The following WASHC3 variants were observed in gnomAD, a reference collection of about 807,000 sequenced individuals.
WASHC3 encodes the protein WASH complex subunit 3.
Under a neutral mutation model 26.1 loss-of-function variants are expected in WASHC3, and 24 were observed. The observed-to-expected ratio is 0.92, with a 90% CI of 0.66 to 1.29. The LOEUF is 1.29. WASHC3 is among the 50% of genes most tolerant of loss of function. WASHC3 has a pLI of 0.00. For synonymous variants in WASHC3, 77 were observed against 75.7 expected, an observed-to-expected ratio of 1.02 and a Z score of -0.09; for missense variants, 214 against 229.6, an observed-to-expected ratio of 0.93 and a Z score of 0.44.
chr12:102,042,088 T>C (rs1349424473), intron 4 of WASHC3, among the ~76,000 whole-genome samples: 2 of 152,140 alleles, frequency 1.3e-5, no homozygotes, highest in Non-Finnish European at 2.9e-5. Context: ...ATATGACAGC[T>C]CTATCTACCA....
chr12:102,026,893 G>A (rs886197312), intron 5 of WASHC3, among the ~76,000 whole-genome samples: 5 of 152,096 alleles, frequency 3.3e-5, no homozygotes, highest in African/African-American at 1.2e-4. Flanking sequence ...AGGAGGCAGG[G>A]TCATGGCATG....
intron 2 of WASHC3, among the ~76,000 whole-genome samples, chr12:102,060,335 C>G (rs1878752666): frequency 6.6e-6 from 1 of 152,148 alleles, no homozygotes; most frequent in Non-Finnish European, 1.5e-5. Flanking sequence ...AAACAAAACA[C>G]TGAGTTTCTC....
rs575340368 is a variant in WASHC3, at chr12:102,051,785, T to C, written c.151-5666A>G. ...AAACTTCTCTACATCTTAGTTTCTG[T>C]ATCTGTATGAGTGGGATAACTAAAC... On this transcript the variant is annotated intron_variant, in intron 2 of 6. Coordinates refer to ENST00000240079, the MANE Select transcript of WASHC3 (RefSeq NM_016053.4). Among the ~76,000 whole-genome samples the C allele has an allele frequency of 2.0e-5, 3 of 152,352 alleles. No homozygotes were observed. The East Asian group carries it at 5.8e-4, about 29-fold the overall frequency.
intron 6 of WASHC3, 156 bp downstream of exon 6, chr12:102,025,818 G>A (rs982773141): frequency 1.7e-6 from 1 of 575,060 alleles, no homozygotes; most frequent in African/African-American, 1.9e-5. Context: ...ATATTTTTCT[G>A]TTTGGTAACA....
intron 2 of WASHC3, among the ~76,000 whole-genome samples, chr12:102,056,955 CACT>C (rs556030529): frequency 8.5e-5 from 13 of 152,142 alleles, no homozygotes; most frequent in African/African-American, 3.1e-4. Flanking sequence ...CAGACAAATC[CACT>C]ACAAGAAAAG....
intron 6 of WASHC3, among the ~76,000 whole-genome samples, chr12:102,022,725 A>G (rs1184994985): frequency 1.3e-5 from 2 of 152,256 alleles, no homozygotes; most frequent in Non-Finnish European, 2.9e-5. Context: ...AGGTAACAAC[A>G]GTAATGTTAG....
chr12:102,058,761 A>C (rs1218217193), intron 2 of WASHC3, among the ~76,000 whole-genome samples: 1 of 152,194 alleles, frequency 6.6e-6, no homozygotes, highest in East Asian at 1.9e-4. Flanking sequence ...TTGAAAGTTC[A>C]CTGCAACATT....
At chr12:102,031,954 C>T (rs1565814454) in intron 5 of WASHC3, among the ~76,000 whole-genome samples, 1 of 152,086 alleles carries the variant, frequency 6.6e-6, no homozygotes, top group East Asian at 1.9e-4. Context: ...GTTCTCTAAA[C>T]CATGGAAAGC....
intron 5 of WASHC3, among the ~76,000 whole-genome samples, chr12:102,028,052 G>T (rs925148469): frequency 6.6e-6 from 1 of 152,046 alleles, no homozygotes; most frequent in Non-Finnish European, 1.5e-5. Context: ...GAAGGTAGAA[G>T]ATAAGTTTAA....
intron 5 of WASHC3, among the ~76,000 whole-genome samples, chr12:102,038,200 T>G: frequency 6.6e-6 from 1 of 152,236 alleles, no homozygotes; most frequent in South Asian, 2.1e-4. Context: ...GAAACCTTAG[T>G]TGGCTAAATA....
At chr12:102,034,376 C>T (rs966080216) in intron 5 of WASHC3, among the ~76,000 whole-genome samples, 1 of 152,146 alleles carries the variant, frequency 6.6e-6, no homozygotes, top group Non-Finnish European at 1.5e-5. Context: ...TTGTTCTTCA[C>T]TCCACTTCTC....
intron 6 of WASHC3, among the ~76,000 whole-genome samples, chr12:102,015,055 C>A (rs1051213995): frequency 6.6e-6 from 1 of 152,176 alleles, no homozygotes; most frequent in Non-Finnish European, 1.5e-5. Flanking sequence ...GTAATCCCAG[C>A]ACTTTGGGAG....
chr12:102,056,736 A>G (rs1448783926), intron 2 of WASHC3, among the ~76,000 whole-genome samples: 2 of 152,196 alleles, frequency 1.3e-5, no homozygotes, highest in Non-Finnish European at 2.9e-5. Flanking sequence ...GGTAATCTGA[A>G]CAGACCAATA....
Position 102,018,463 on chromosome 12 carries a change from CT to C in WASHC3, c.501-5272del, listed in dbSNP as rs200354042. ...CAATTTCTTCATATCCTTACCAGTA[CT>C]TATTGTCTTTGTTTGTTTATTTATT... On this transcript the variant is annotated intron_variant, in intron 6 of 6. Coordinates refer to ENST00000240079, the MANE Select transcript of WASHC3 (RefSeq NM_016053.4). 7.3e-3 allele frequency among the ~76,000 whole-genome samples: 1,113 copies of C among 152,238 alleles called. 5 individuals carry two copies. The highest frequency in any genetic ancestry group is 0.031 in the East Asian group (160 of 5,174).
intron 2 of WASHC3, among the ~76,000 whole-genome samples, chr12:102,049,591 T>C (rs1183669379): frequency 6.6e-6 from 1 of 151,438 alleles, no homozygotes; most frequent in Non-Finnish European, 1.5e-5. Flanking sequence ...AAGAAGGAAA[T>C]ATGGAGTTAC....
intron 5 of WASHC3, among the ~76,000 whole-genome samples, chr12:102,031,783 A>G (rs1450531214): frequency 1.3e-5 from 2 of 152,192 alleles, no homozygotes; most frequent in Non-Finnish European, 1.5e-5. Context: ...TATTAATATT[A>G]TACCTATAGT....
chr12:102,039,128 G>T (rs4590931), intron 5 of WASHC3, among the ~76,000 whole-genome samples: 131,010 of 134,444 alleles, frequency 0.97, 63,814 homozygotes, highest in East Asian at 1. Flanking sequence ...ATGGAGTTAG[G>T]TTTTTTTTTT....
intron 4 of WASHC3, 182 bp from the exon 5 acceptor site, chr12:102,040,160 A>T: frequency 2.8e-6 from 1 of 354,136 alleles, no homozygotes; most frequent in Non-Finnish European, 5.2e-6. Flanking sequence ...CAAATATTTA[A>T]ATATCATTTC....
intron 2 of WASHC3, among the ~76,000 whole-genome samples, chr12:102,049,558 GT>G (rs1172081499): frequency 1.3e-5 from 2 of 150,104 alleles, no homozygotes; most frequent in East Asian, 3.9e-4. Flanking sequence ...ATTTTATAAA[GT>G]TAAAAAAAAA....
Sources: gnomAD v4.1 joint callset for allele counts (sites outside exome capture counted in the v4.1 genomes callset) on GRCh38, gnomAD v4.1.1 for gene constraint, MANE v1.5 for transcripts, NCBI Gene and HGNC (gene_info 2026-07-23, HGNC 2026-07-21) for gene names.